The following TFEC variants were observed in gnomAD, a reference collection of about 807,000 sequenced individuals.
TFEC encodes transcription factor EC.
A neutral mutation model predicts 41.6 loss-of-function variants in TFEC; 31 were observed. That is an observed-to-expected ratio of 0.74 (90% CI 0.56 to 1.01). The LOEUF (loss-of-function observed/expected upper bound fraction) is 1.01, where lower values mean the gene tolerates loss of function less well. TFEC is among the 50% of genes least tolerant of loss of function. The probability of loss-of-function intolerance (pLI) is 0.00; values close to 1 mark genes in which losing one functional copy is unlikely to be tolerated. For synonymous variants in TFEC, 143 were observed against 140.6 expected, an observed-to-expected ratio of 1.02 and a Z score of -0.12; for missense variants, 402 against 404.1, an observed-to-expected ratio of 0.99 and a Z score of 0.04.
At chr7:115,999,812 T>A in intron 1 of TFEC, among the ~76,000 whole-genome samples, 1 of 114,382 alleles carries the variant, frequency 8.7e-6, no homozygotes. Flanking sequence ...AAATAATAAG[T>A]AGCAAGATCA....
At chr7:115,948,953 T>C (rs1328211704) in intron 6 of TFEC, among the ~76,000 whole-genome samples, 9 of 151,784 alleles carry the variant, frequency 5.9e-5, no homozygotes, top group South Asian at 2.1e-4. Flanking sequence ...GAAAACCCCA[T>C]TGTCTCAGCC....
chr7:116,000,616 C>T (rs1368568983), intron 1 of TFEC, among the ~76,000 whole-genome samples: 1 of 152,054 alleles, frequency 6.6e-6, no homozygotes, highest in African/African-American at 2.4e-5. Context: ...AATCAACATA[C>T]AAAAATCAGT....
chr7:116,095,025 T>A (rs564229214), intron 3 of TFEC, among the ~76,000 whole-genome samples: 8 of 152,324 alleles, frequency 5.3e-5, no homozygotes, highest in African/African-American at 1.9e-4. Flanking sequence ...ATACTAATAA[T>A]GAGGATGTTG....
chr7:116,006,447 TG>T (rs1255821525), intron 1 of TFEC, among the ~76,000 whole-genome samples: 1 of 152,226 alleles, frequency 6.6e-6, no homozygotes, highest in Non-Finnish European at 1.5e-5. Flanking sequence ...AAGATTTGAC[TG>T]CCCTGCCAGA....
intron 1 of TFEC, among the ~76,000 whole-genome samples, chr7:116,001,367 C>T (rs970844369): frequency 4.0e-5 from 6 of 151,816 alleles, no homozygotes; most frequent in Admixed American, 2.6e-4. Flanking sequence ...TGGCAGTGTG[C>T]GCCTGTAGTG....
intron 1 of TFEC, among the ~76,000 whole-genome samples, chr7:116,128,641 CTTG>C (rs1798265088): frequency 6.6e-6 from 1 of 152,154 alleles, no homozygotes; most frequent in African/African-American, 2.4e-5. Flanking sequence ...GCATGAATTA[CTTG>C]TTATTGATCT....
Position 115,963,752 on chromosome 7 carries a change from T to G in TFEC, c.268-6959A>C, listed in dbSNP as rs549495165. On this transcript the variant is annotated intron_variant, in intron 3 of 7. Transcript: ENST00000265440. Reference sequence around the variant, plus strand: ...GAAAGTAGACCAAAGGTTATCAGGATCTGGAGATTCAGAGATAAGGGGAGC... The same window carrying G: ...GAAAGTAGACCAAAGGTTATCAGGAGCTGGAGATTCAGAGATAAGGGGAGC... Among the ~76,000 whole-genome samples, 5 of 151,812 alleles carry G rather than the reference T, an allele frequency of 3.3e-5. No homozygotes were observed. In the South Asian group the frequency reaches 1.0e-3, roughly 32 times the overall value.
chr7:115,980,769 CAAAAAAAACA>C (rs1480814349), intron 2 of TFEC, among the ~76,000 whole-genome samples: 4 of 147,928 alleles, frequency 2.7e-5, no homozygotes, highest in African/African-American at 5.0e-5. Context: ...CAAAACAAAA[CAAAAAAAACA>C]AAAAAAAACA....
At chr7:116,001,754 A>T (rs957132817) in intron 1 of TFEC, among the ~76,000 whole-genome samples, 2 of 152,198 alleles carry the variant, frequency 1.3e-5, no homozygotes, top group Admixed American at 1.3e-4. Flanking sequence ...GTCATCTGAC[A>T]TGGGATTAAT....
intron 1 of TFEC, among the ~76,000 whole-genome samples, chr7:116,158,316 A>G (rs984253339): frequency 7.2e-5 from 11 of 152,082 alleles, no homozygotes; most frequent in Non-Finnish European, 7.4e-5. Flanking sequence ...TTCAAAAGTA[A>G]TATCAGCTAA....
chr7:116,143,711 T>C (rs1454286114), intron 1 of TFEC, among the ~76,000 whole-genome samples: 1 of 152,136 alleles, frequency 6.6e-6, no homozygotes, highest in Admixed American at 6.5e-5. Context: ...GTCAGAGAAG[T>C]GAGGAAACAC....
chr7:116,073,109 A>G (rs926680092), intron 3 of TFEC, among the ~76,000 whole-genome samples: 1 of 151,724 alleles, frequency 6.6e-6, no homozygotes, highest in Admixed American at 6.6e-5. Context: ...TTCACTGGAG[A>G]GGTATTAGAA....
chr7:115,994,911 G>A lies in TFEC; in HGVS notation c.-72-10398C>T, dbSNP rs561559697. 3.7e-4 allele frequency among the ~76,000 whole-genome samples: 56 copies of A among 152,078 alleles called. 1 individual carries two copies. In the South Asian group the frequency reaches 8.3e-3, roughly 23 times the overall value. On this transcript the variant is annotated intron_variant, in intron 1 of 7. Coordinates refer to ENST00000265440, the MANE Select transcript of TFEC (RefSeq NM_012252.4). ...ACACATGCACACGTATGTTTATTGC[G>A]GCACTATTCACAATAGCAAAGACCT...
At chr7:115,970,787 G>C (rs1202724993) in intron 3 of TFEC, among the ~76,000 whole-genome samples, 1 of 151,886 alleles carries the variant, frequency 6.6e-6, no homozygotes, top group African/African-American at 2.4e-5. Flanking sequence ...CTCACCATGT[G>C]ACACTCTGGC....
At chr7:116,062,451 T>C (rs1018195822) in intron 3 of TFEC, among the ~76,000 whole-genome samples, 2 of 149,430 alleles carry the variant, frequency 1.3e-5, no homozygotes, top group South Asian at 2.1e-4. Context: ...GAAAATATGA[T>C]GTTTGGTATT....
chr7:116,005,302 A>T (rs553920037), intron 1 of TFEC, among the ~76,000 whole-genome samples: 95 of 152,324 alleles, frequency 6.2e-4, no homozygotes, highest in African/African-American at 2.2e-3. Flanking sequence ...AATGTGGGAA[A>T]GTTTGGAACT....
At chr7:115,954,067 T>TATGACCTGTTATC (rs1293908247) in intron 5 of TFEC, among the ~76,000 whole-genome samples, 2 of 152,024 alleles carry the variant, frequency 1.3e-5, no homozygotes, top group African/African-American at 4.8e-5. Flanking sequence ...CTCCATCTCA[T>TATGACCTGTTATC]ATGACCTGTT....
intron 1 of TFEC, among the ~76,000 whole-genome samples, chr7:116,145,118 A>G (rs1024819031): frequency 2.0e-5 from 3 of 152,204 alleles, no homozygotes; most frequent in Admixed American, 1.3e-4. Flanking sequence ...TTACCTTAGG[A>G]AAGTTTTGAT....
intron 3 of TFEC, among the ~76,000 whole-genome samples, chr7:116,073,360 T>C (rs1298293089): frequency 6.6e-6 from 1 of 151,840 alleles, no homozygotes; most frequent in African/African-American, 2.4e-5. Context: ...CCCATGGTGA[T>C]AGATATGAAC....
Sources: gnomAD v4.1 joint callset for allele counts (sites outside exome capture counted in the v4.1 genomes callset) on GRCh38, gnomAD v4.1.1 for gene constraint, MANE v1.5 for transcripts, NCBI Gene and HGNC (gene_info 2026-07-23, HGNC 2026-07-21) for gene names.